The following PKHD1 variants were observed in gnomAD, a reference collection of about 807,000 sequenced individuals.
The protein encoded by PKHD1 is PKHD1 ciliary IPT domain containing fibrocystin/polyductin, also known as fibrocystin.
Under a neutral mutation model 412.0 loss-of-function variants are expected in PKHD1, and 291 were observed. The observed-to-expected ratio is 0.71, with a 90% CI of 0.64 to 0.78. The LOEUF is 0.78. Among genes scored for constraint, PKHD1 ranks in the 30% least tolerant of loss-of-function variants. The pLI, the probability that PKHD1 is intolerant of heterozygous loss-of-function variation, is 0.00. For synonymous variants in PKHD1, 1,777 were observed against 1,821.5 expected, an observed-to-expected ratio of 0.98 and a Z score of 0.62; for missense variants, 4,825 against 4,950.7, an observed-to-expected ratio of 0.97 and a Z score of 0.76.
At chr6:51,642,063 TA>T (rs1260261699) in intron 63 of PKHD1, among the ~76,000 whole-genome samples, 2 of 152,054 alleles carry the variant, frequency 1.3e-5, no homozygotes, top group Non-Finnish European at 2.9e-5. Context: ...AATAAATAGA[TA>T]AATAAATAAA....
At chr6:51,669,498 C>A (rs1774510126) in intron 60 of PKHD1, among the ~76,000 whole-genome samples, 2 of 149,328 alleles carry the variant, frequency 1.3e-5, no homozygotes, top group Non-Finnish European at 3.0e-5. Context: ...AAAAAACCAG[C>A]TCCTGGATTC....
chr6:52,042,049 G>A (rs1408565633), intron 27 of PKHD1, among the ~76,000 whole-genome samples: 2 of 152,074 alleles, frequency 1.3e-5, no homozygotes, highest in African/African-American at 4.8e-5. Context: ...ATAATTACTG[G>A]GTTAATACAG....
chr6:51,718,293 C>G lies in PKHD1; in HGVS notation c.10156+26092G>C, dbSNP rs559049675. ...GTCTTACTTTCTCTCTCTGACTGCT[C>G]TTTCACTGTGTCCAATTTGCCACAT... is the stretch of plus-strand genomic sequence containing the variant. On this transcript the variant is annotated intron_variant, in intron 60 of 66. Coordinates refer to ENST00000371117, the MANE Select transcript of PKHD1 (RefSeq NM_138694.4). Among the ~76,000 whole-genome samples the G allele has an allele frequency of 3.6e-4, 55 of 152,308 alleles. No individual in the cohort carries two copies. The Middle Eastern group carries it at 0.01, about 28-fold the overall frequency.
chr6:51,960,065 G>A, intron 35 of PKHD1, 39 bp from the exon 36 acceptor site: 4 of 1,607,726 alleles, frequency 2.5e-6, no homozygotes, highest in Non-Finnish European at 3.4e-6. Context: ...TTGGTTGGTT[G>A]GTTGGCTGGT....
chr6:51,942,613 T>A (rs753427266), intron 36 of PKHD1, among the ~76,000 whole-genome samples: 4 of 151,354 alleles, frequency 2.6e-5, no homozygotes, highest in African/African-American at 7.3e-5. Context: ...CCATGACTTA[T>A]CTCTCTGATC....
intron 32 of PKHD1, 24 bp from the exon 33 acceptor site, chr6:52,022,968 C>A (rs1801623616): frequency 6.2e-7 from 1 of 1,613,742 alleles, no homozygotes; most frequent in Admixed American, 1.7e-5. Flanking sequence ...GGTACAAGTT[C>A]TTGATCATAC....
chr6:51,923,722 T>G (rs1030128247), intron 37 of PKHD1, among the ~76,000 whole-genome samples: 2 of 152,188 alleles, frequency 1.3e-5, no homozygotes, highest in Non-Finnish European at 2.9e-5. Context: ...TCTTTGTACC[T>G]CTATCAAGAA....
At chr6:51,889,654 G>A (rs1195718457) in intron 43 of PKHD1, among the ~76,000 whole-genome samples, 1 of 152,166 alleles carries the variant, frequency 6.6e-6, no homozygotes, top group Non-Finnish European at 1.5e-5. Context: ...AGGGATGAGG[G>A]ACAGTATTCT....
intron 60 of PKHD1, among the ~76,000 whole-genome samples, chr6:51,725,598 T>A (rs1404285305): frequency 6.6e-6 from 1 of 152,168 alleles, no homozygotes; most frequent in Non-Finnish European, 1.5e-5. Context: ...CTGTCTTTCA[T>A]ATGGAATTAA....
chr6:51,940,776 T>G (rs1476268347), intron 36 of PKHD1, among the ~76,000 whole-genome samples: 1 of 151,462 alleles, frequency 6.6e-6, no homozygotes, highest in African/African-American at 2.4e-5. Context: ...CACTCCACAT[T>G]ACCTTCTTTT....
At chr6:51,952,061 C>A (rs1334022129) in intron 36 of PKHD1, among the ~76,000 whole-genome samples, 1 of 152,078 alleles carries the variant, frequency 6.6e-6, no homozygotes, top group Non-Finnish European at 1.5e-5. Context: ...TGTTTAATAT[C>A]TATCTATCTG....
At chr6:51,915,931 C>G (rs1783737196) in intron 37 of PKHD1, among the ~76,000 whole-genome samples, 1 of 151,978 alleles carries the variant, frequency 6.6e-6, no homozygotes, top group African/African-American at 2.4e-5. Context: ...AGTTGGGGGC[C>G]TCAGACAGTA....
At chr6:51,781,707 ATAG>A (rs1433729749) in intron 53 of PKHD1, among the ~76,000 whole-genome samples, 2 of 152,192 alleles carry the variant, frequency 1.3e-5, no homozygotes, top group Middle Eastern at 3.4e-3. Flanking sequence ...AATATTAATA[ATAG>A]TAGTTAAAAA....
intron 63 of PKHD1, among the ~76,000 whole-genome samples, chr6:51,643,967 T>C (rs2150349183): frequency 6.6e-6 from 1 of 151,942 alleles, no homozygotes; most frequent in South Asian, 2.1e-4. Context: ...AAATAACAGG[T>C]CAAAATAGTA....
In PKHD1 at chr6:51,619,486, G is replaced by A; in HGVS notation, c.11820C>T (p.Asn3940=). Residue 3940 remains asparagine, a synonymous_variant, in exon 67 of 67, where the codon AAC becomes AAT. Coordinates refer to ENST00000371117, the MANE Select transcript of PKHD1 (RefSeq NM_138694.4). The part of the protein sequence containing the change: ...MRMKVMLGKV[N]QCPHQLMNGV... ...CATTCATCAACTGGTGGGGGCACTG[G>A]TTCACCTTGCCCAGCATGACCTTCA... 1 of 1,614,064 alleles carries A rather than the reference G, an allele frequency of 6.2e-7. No individual in the cohort carries two copies. Among genetic ancestry groups the A allele is most frequent in the South Asian group, 1.1e-5 (1 of 91,086 alleles).
chr6:51,948,803 G>T (rs1789865189), intron 36 of PKHD1, among the ~76,000 whole-genome samples: 1 of 152,166 alleles, frequency 6.6e-6, no homozygotes, highest in African/African-American at 2.4e-5. Context: ...TAAGAAACAA[G>T]ATTCTTGAGA....
intron 63 of PKHD1, among the ~76,000 whole-genome samples, chr6:51,639,288 G>A (rs965835105): frequency 5.3e-5 from 8 of 152,046 alleles, no homozygotes; most frequent in African/African-American, 1.7e-4. Context: ...AAATTATGTG[G>A]TACTGGGGTT....
chr6:51,635,368 C>A (rs1768395112), intron 64 of PKHD1, among the ~76,000 whole-genome samples: 1 of 152,146 alleles, frequency 6.6e-6, no homozygotes, highest in African/African-American at 2.4e-5. Context: ...GGGTGGAGAC[C>A]ACTGGCTCTC....
intron 52 of PKHD1, among the ~76,000 whole-genome samples, chr6:51,826,150 C>T (rs1317417137): frequency 6.6e-6 from 1 of 152,102 alleles, no homozygotes; most frequent in Non-Finnish European, 1.5e-5. Flanking sequence ...TATCACCAAC[C>T]TATTATGATC....
Sources: gnomAD v4.1 joint callset for allele counts (sites outside exome capture counted in the v4.1 genomes callset) on GRCh38, gnomAD v4.1.1 for gene constraint, MANE v1.5 for transcripts, NCBI Gene and HGNC (gene_info 2026-07-23, HGNC 2026-07-21) for gene names.